RASA3: variants seen among roughly 807,000 people sequenced by gnomAD.
The protein encoded by RASA3 is ras GTPase-activating protein 3.
In RASA3, 73 loss-of-function variants were observed where a neutral mutation model predicts 110.0. That is an observed-to-expected ratio of 0.66 (90% CI 0.55 to 0.81). RASA3 has a LOEUF of 0.81. RASA3 is among the 30% of genes least tolerant of loss of function. RASA3 has a pLI of 0.00. For synonymous variants in RASA3, 500 were observed against 451.4 expected (o/e 1.11, Z -1.37); for missense variants, 976 against 1,113.2 (o/e 0.88, Z 1.75).
At chr13:114,127,939 A>G (rs1183726717) in intron 1 of RASA3, among the ~76,000 whole-genome samples, 1 of 152,136 alleles carries the variant, frequency 6.6e-6, no homozygotes, top group Non-Finnish European at 1.5e-5. Flanking sequence ...TAGCATCTGC[A>G]TCCAGCCTCC....
chr13:114,020,032 CA>C lies in RASA3; in HGVS notation c.786-1114del, dbSNP rs1404462143. Among the ~76,000 whole-genome samples the C allele has an allele frequency of 5.7e-4, 22 of 38,636 alleles. 8 individuals carry two copies. Among genetic ancestry groups the C allele is most frequent in the African/African-American group, 7.8e-4 (3 of 3,848 alleles). The allele number at this position is 38,636 out of a possible 152,430, so 25.3% of individuals were successfully genotyped here. On this transcript the variant is annotated intron_variant, in intron 9 of 23. Transcript: ENST00000334062. ...GTGTCCGAGGCATTAGCAGCCCTGTCAGGTGGGTGGAGCCTGTGTCCGAGGC... is the reference window on the plus strand; with the variant it reads ...GTGTCCGAGGCATTAGCAGCCCTGTCGGTGGGTGGAGCCTGTGTCCGAGGC...
At chr13:114,070,046 T>G (rs975225725) in intron 2 of RASA3, among the ~76,000 whole-genome samples, 265 of 7,358 alleles carry the variant, frequency 0.036, no homozygotes, top group Admixed American at 0.062. Context: ...GACTGGGGGG[T>G]GGGAGACTTG....
chr13:113,979,402 T>C lies in RASA3; in HGVS notation c.2450A>G (p.Lys817Arg), dbSNP rs2052854367. ...YGSQEHPIGD[K>R]SFQNYIRQQS... is the part of the protein sequence containing the mutation. Reference sequence around the variant, plus strand: ...CTGCCGGATGTAGTTCTGGAAGCTCTTGTCTCCGATGGGGTGCTCCCTGAA... The same window carrying C: ...CTGCCGGATGTAGTTCTGGAAGCTCCTGTCTCCGATGGGGTGCTCCCTGAA... The change falls in exon 24 of 24, where the codon AAG (lysine) becomes AGG (arginine). Residue 817 changes from lysine (K) to arginine (R), a missense_variant. By Grantham distance (26) the Lys-to-Arg change is conservative. This residue lies in a region of RASA3 where 132 missense variants were observed against 152.8 expected (regional missense o/e 0.86). Transcript: ENST00000334062. 1.9e-6 allele frequency: 3 copies of C among 1,604,238 alleles called. No homozygotes were observed. Among genetic ancestry groups the C allele is most frequent in the African/African-American group, 1.3e-5 (1 of 74,850 alleles).
chr13:114,038,264 G>T (rs188965843), intron 4 of RASA3, among the ~76,000 whole-genome samples: 98 of 152,346 alleles, frequency 6.4e-4, no homozygotes, highest in Middle Eastern at 6.8e-3. Flanking sequence ...GGCGGGAGCG[G>T]CCCAGTCACC....
chr13:114,007,449 T>G (rs1196510378), intron 18 of RASA3, 84 bp downstream of exon 18: 1 of 450,798 alleles, frequency 2.2e-6, no homozygotes. Flanking sequence ...GACACCACCT[T>G]ACCCTTCTCC....
intron 4 of RASA3, among the ~76,000 whole-genome samples, chr13:114,030,926 T>C (rs932898285): frequency 6.7e-6 from 1 of 148,180 alleles, no homozygotes; most frequent in African/African-American, 2.6e-5. Context: ...TATGCATGCA[T>C]GCGACTATGT....
At chr13:114,111,793 A>G (rs1375267992) in intron 1 of RASA3, among the ~76,000 whole-genome samples, 1 of 152,262 alleles carries the variant, frequency 6.6e-6, no homozygotes, top group Admixed American at 6.5e-5. Flanking sequence ...TGCGTAAAGC[A>G]GAGTATGTCA....
intron 18 of RASA3, among the ~76,000 whole-genome samples, chr13:114,003,221 C>T (rs1256033861): frequency 6.6e-6 from 1 of 152,170 alleles, no homozygotes; most frequent in Non-Finnish European, 1.5e-5. Flanking sequence ...GCCTGATGGA[C>T]CAAAACCTTG....
chr13:114,108,904 GCAGTT>G (rs1341806673), intron 1 of RASA3: 2 of 152,292 alleles, frequency 1.3e-5, no homozygotes, highest in Non-Finnish European at 2.9e-5. Context: ...CAGGCATCCT[GCAGTT>G]CAGTCCACTG....
chr13:114,072,564 G>T (rs2079589690), intron 2 of RASA3, among the ~76,000 whole-genome samples: 1 of 152,138 alleles, frequency 6.6e-6, no homozygotes, highest in South Asian at 2.1e-4. Context: ...CTCTTTTGTG[G>T]AGTGCGAGCT....
chr13:114,022,978 C>G (rs1258414907), intron 8 of RASA3, among the ~76,000 whole-genome samples: 2 of 152,162 alleles, frequency 1.3e-5, no homozygotes, highest in Non-Finnish European at 2.9e-5. Flanking sequence ...CAGGGACATT[C>G]TATGGTTCAG....
chr13:114,082,523 A>C (rs1183090111), intron 1 of RASA3, among the ~76,000 whole-genome samples: 1 of 152,218 alleles, frequency 6.6e-6, no homozygotes, highest in Non-Finnish European at 1.5e-5. Flanking sequence ...CCGGGTGGAC[A>C]CACGCGCTTG....
intron 1 of RASA3, among the ~76,000 whole-genome samples, chr13:114,093,651 G>A (rs934149116): frequency 6.6e-6 from 1 of 151,992 alleles, no homozygotes; most frequent in Non-Finnish European, 1.5e-5. Flanking sequence ...CTTCTGCCTT[G>A]TTTTTCTCAA....
In RASA3 at chr13:114,013,258, A is replaced by G; in HGVS notation, c.1406-10T>C. On this transcript the variant is annotated splice_polypyrimidine_tract_variant and intron_variant, in intron 14 of 23. Coordinates refer to ENST00000334062, the MANE Select transcript of RASA3 (RefSeq NM_007368.4). ...CTGACGTCCGGGTCATCTGCGGGAG[A>G]GAGAAGCAGGGTGACCGTTTTCCTC... The G allele has an allele frequency of 6.2e-7, 1 of 1,605,522 alleles. No individual in the cohort carries two copies. Among genetic ancestry groups the G allele is most frequent in the East Asian group, 2.2e-5 (1 of 44,652 alleles).
At chr13:114,111,218 T>A (rs867884595) in intron 1 of RASA3, among the ~76,000 whole-genome samples, 466 of 26,980 alleles carry the variant, frequency 0.017, 19 homozygotes, top group Middle Eastern at 0.036. Flanking sequence ...GGGCTGAGCC[T>A]CAAACCAGCT....
intron 1 of RASA3, among the ~76,000 whole-genome samples, chr13:114,080,258 A>AC (rs888458720): frequency 4.0e-5 from 6 of 151,432 alleles, no homozygotes; most frequent in Non-Finnish European, 8.8e-5. Context: ...CAAGCAAGGC[A>AC]CCCCCCAATC....
chr13:114,096,308 C>T lies in RASA3; in HGVS notation c.56-22471G>A, dbSNP rs920810123. On this transcript the variant is annotated intron_variant, in intron 1 of 23. Transcript: ENST00000334062. The surrounding 1 kb of genome is among the most constrained non-coding windows in gnomAD (Gnocchi z 5.1). ...ATCGGGTCTGAGAGCTGCTCACCGA[C>T]CCATGCCTCCTCTAGCAAATCGCCT... Among the ~76,000 whole-genome samples the T allele has an allele frequency of 6.6e-6, 1 of 152,202 alleles. No homozygotes were observed. Among genetic ancestry groups the T allele is most frequent in the Admixed American group, 6.5e-5 (1 of 15,282 alleles).
At chr13:114,126,158 C>T (rs1055035018) in intron 1 of RASA3, among the ~76,000 whole-genome samples, 6 of 133,998 alleles carry the variant, frequency 4.5e-5, no homozygotes, top group African/African-American at 1.4e-4. Flanking sequence ...TCCAGAGGTA[C>T]CGGCACCTGC....
At chr13:114,107,043 A>G (rs1444229786) in intron 1 of RASA3, among the ~76,000 whole-genome samples, 1 of 151,982 alleles carries the variant, frequency 6.6e-6, no homozygotes, top group East Asian at 1.9e-4. Flanking sequence ...GCACGCCCAC[A>G]CCTCCTCTCT....
Sources: allele counts gnomAD v4.1 joint callset (sites outside exome capture counted in the v4.1 genomes callset), GRCh38; gene constraint gnomAD v4.1.1; regional missense constraint gnomAD v4.1.1; non-coding constraint Gnocchi (gnomAD v3.1); transcripts MANE v1.5; gene names NCBI Gene and HGNC (gene_info 2026-07-23, HGNC 2026-07-21).